USH2A: variants seen among roughly 807,000 people sequenced by gnomAD.
USH2A encodes usherin, also known as Usher syndrome 2A (autosomal recessive, mild).
Under a neutral mutation model 538.9 loss-of-function variants are expected in USH2A, and 443 were observed. That is an observed-to-expected ratio of 0.82 (90% CI 0.76 to 0.89). The LOEUF (loss-of-function observed/expected upper bound fraction) is 0.89, where lower values mean the gene tolerates loss of function less well. Among genes scored for constraint, USH2A ranks in the 40% least tolerant of loss-of-function variants. The pLI, the probability that USH2A is intolerant of heterozygous loss-of-function variation, is 0.00. For synonymous variants in USH2A, 2,413 were observed against 2,273.5 expected (o/e 1.06, Z -1.75); for missense variants, 6,633 against 6,324.8 (o/e 1.05, Z -1.65).
chr1:215,899,291 C>T (rs1665430276), intron 40 of USH2A, among the ~76,000 whole-genome samples: 1 of 152,126 alleles, frequency 6.6e-6, no homozygotes, highest in South Asian at 2.1e-4. Context: ...CCTAAGAAGC[C>T]TATGATTAAA....
At chr1:215,933,931 C>A (rs779720876) in intron 38 of USH2A, among the ~76,000 whole-genome samples, 6 of 151,818 alleles carry the variant, frequency 4.0e-5, no homozygotes, top group Admixed American at 6.6e-5. Flanking sequence ...TTCCTCAATG[C>A]GATTATTTCC....
chr1:215,677,817 A>G (rs1658084118), intron 62 of USH2A, among the ~76,000 whole-genome samples: 1 of 152,152 alleles, frequency 6.6e-6, no homozygotes, highest in South Asian at 2.1e-4. Context: ...CTCTGGCACC[A>G]TGGGTTTATA....
intron 9 of USH2A, among the ~76,000 whole-genome samples, chr1:216,295,750 A>T (rs1361864671): frequency 6.6e-6 from 1 of 152,006 alleles, no homozygotes; most frequent in East Asian, 1.9e-4. Flanking sequence ...AAACCATGTA[A>T]AGTAATGTCT....
At chr1:215,950,616 C>T (rs1318382990) in intron 37 of USH2A, among the ~76,000 whole-genome samples, 1 of 150,690 alleles carries the variant, frequency 6.6e-6, no homozygotes, top group Non-Finnish European at 1.5e-5. Context: ...AATCAATTCT[C>T]TGCCTCAGCC....
intron 20 of USH2A, among the ~76,000 whole-genome samples, chr1:216,188,012 G>T (rs769848297): frequency 5.3e-5 from 8 of 151,808 alleles, no homozygotes; most frequent in Non-Finnish European, 1.2e-4. Flanking sequence ...ATGACTTTTA[G>T]CGAATATAAG....
chr1:216,363,987 ACTTT>A (rs2038545564), intron 4 of USH2A, among the ~76,000 whole-genome samples: 1 of 151,408 alleles, frequency 6.6e-6, no homozygotes, highest in South Asian at 2.1e-4. Context: ...TATGGAAAAT[ACTTT>A]CTATTTCACA....
chr1:216,221,555 G>T (rs2035458452), intron 14 of USH2A, among the ~76,000 whole-genome samples: 1 of 152,174 alleles, frequency 6.6e-6, no homozygotes, highest in Non-Finnish European at 1.5e-5. Flanking sequence ...AAATACGAGT[G>T]CCTCATCTGA....
intron 4 of USH2A, among the ~76,000 whole-genome samples, chr1:216,330,931 C>T (rs1376667705): frequency 3.9e-5 from 6 of 151,942 alleles, no homozygotes; most frequent in Admixed American, 3.9e-4. Flanking sequence ...TTAATAATAG[C>T]TAAAGGGAAG....
intron 43 of USH2A, 82 bp from the exon 44 acceptor site, chr1:215,867,252 A>G (rs1664498460): frequency 6.9e-7 from 1 of 1,457,794 alleles, no homozygotes; most frequent in Admixed American, 2.0e-5. Flanking sequence ...TTTTCTTCAC[A>G]AAATACAGGA....
rs745702281 is a variant in USH2A, at chr1:215,798,968, A to T, written c.9897T>A (p.Ile3299=). The T allele has an allele frequency of 1.9e-6, 3 of 1,614,088 alleles. No homozygotes were observed. The highest frequency in any genetic ancestry group is 2.5e-6 in the Non-Finnish European group (3 of 1,179,992). ...GHGQKCCGRQ[I]VSNDLECCGG... is the part of the protein sequence containing the mutation. ...CACAACACTCTAAATCGTTGCTCACAATCTGTCTGCCACAGCACTTCTGGC... is the reference window on the plus strand; with the variant it reads ...CACAACACTCTAAATCGTTGCTCACTATCTGTCTGCCACAGCACTTCTGGC... The change falls in exon 50 of 72, where the codon ATT becomes ATA. Residue 3299 remains isoleucine, a synonymous_variant. Coordinates refer to ENST00000307340, the MANE Select transcript of USH2A (RefSeq NM_206933.4).
At chr1:215,889,143 A>G (rs1393442582) in intron 40 of USH2A, 89 bp from the exon 41 acceptor site, 6 of 1,494,180 alleles carry the variant, frequency 4.0e-6, no homozygotes, top group Middle Eastern at 3.4e-4. Context: ...CTCTGCTACA[A>G]GGATATGAAA....
chr1:215,875,060 C>A (rs1664722467), intron 43 of USH2A, among the ~76,000 whole-genome samples: 1 of 152,154 alleles, frequency 6.6e-6, no homozygotes, highest in Non-Finnish European at 1.5e-5. Flanking sequence ...CGGATGTTGC[C>A]AAGGTGGCCA....
intron 50 of USH2A, among the ~76,000 whole-genome samples, chr1:215,798,501 T>C (rs1351123638): frequency 6.6e-6 from 1 of 152,198 alleles, no homozygotes; most frequent in African/African-American, 2.4e-5. Context: ...TCTGTTAGTA[T>C]TCATTCAATG....
chr1:216,141,821 G>A (rs1349356021), intron 21 of USH2A, among the ~76,000 whole-genome samples: 1 of 151,958 alleles, frequency 6.6e-6, no homozygotes, highest in Non-Finnish European at 1.5e-5. Flanking sequence ...ATATCCAACT[G>A]AAAGTATTTA....
intron 58 of USH2A, among the ~76,000 whole-genome samples, chr1:215,753,718 G>T (rs1436837742): frequency 1.3e-5 from 2 of 152,052 alleles, no homozygotes; most frequent in East Asian, 3.9e-4. Flanking sequence ...GTTAAATGAC[G>T]AGTTAATGGG....
At position 215,623,181 on chromosome 1, in the gene USH2A, A is replaced by G. The variant is rs1655859765; in HGVS notation, c.*2600T>C. ...AAAAACAACTGTACTCTTACCAAAC[A>G]GTTGATATTAAGAATAACAAAACAT... On this transcript the variant is annotated 3_prime_UTR_variant, in exon 72 of 72. Transcript: ENST00000307340. The G allele has an allele frequency of 6.6e-6, 1 of 152,164 alleles. No individual in the cohort carries two copies. The highest frequency in any genetic ancestry group is 2.1e-4 in the South Asian group (1 of 4,828). The allele number at this position is 152,164 out of a possible 1,614,324, so 9.4% of individuals were successfully genotyped here. A position where few individuals can be genotyped will look rare whatever the true frequency, so the allele number is the denominator to read the frequency against.
chr1:215,682,098 A>T (rs1658252761), intron 61 of USH2A, among the ~76,000 whole-genome samples: 1 of 152,214 alleles, frequency 6.6e-6, no homozygotes, highest in Admixed American at 6.5e-5. Flanking sequence ...CCGATTACAA[A>T]CACTCTTTTC....
chr1:215,912,451 GTGTATATATATATATATATATATACGTA>G (rs1665811558), intron 38 of USH2A, among the ~76,000 whole-genome samples: 1 of 9,946 alleles, frequency 1.0e-4, no homozygotes, highest in Non-Finnish European at 2.1e-4. Flanking sequence ...TAGTAGGTAT[GTGTATATATATATATATATATATACGTA>G]TATATATATA....
chr1:215,779,483 T>G (rs1661559333), intron 55 of USH2A, among the ~76,000 whole-genome samples: 1 of 152,236 alleles, frequency 6.6e-6, no homozygotes, highest in Non-Finnish European at 1.5e-5. Flanking sequence ...GATTTTCCCC[T>G]GCCTTCCAGT....
Sources: allele counts gnomAD v4.1 joint callset (sites outside exome capture counted in the v4.1 genomes callset), GRCh38; gene constraint gnomAD v4.1.1; transcripts MANE v1.5; gene names NCBI Gene and HGNC (gene_info 2026-07-23, HGNC 2026-07-21).